ERFE: variants seen among roughly 807,000 people sequenced by gnomAD.
ERFE encodes the protein complement C1q tumor necrosis factor-related protein 15.
Under a neutral mutation model 26.6 loss-of-function variants are expected in ERFE, and 25 were observed. That is an observed-to-expected ratio of 0.94 (90% CI 0.69 to 1.31). The LOEUF (loss-of-function observed/expected upper bound fraction) is 1.31. ERFE is among the 40% of genes most tolerant of loss of function. ERFE has a pLI of 0.00. For synonymous variants in ERFE, 206 were observed against 204.5 expected (o/e 1.01, Z -0.06); for missense variants, 447 against 440.2 (o/e 1.02, Z -0.14).
chr2:238,164,593 G>A (rs978806715), intron 6 of ERFE: 5 of 533,052 alleles, frequency 9.4e-6, no homozygotes, highest in Non-Finnish European at 1.6e-5. Flanking sequence ...GGTGGCTCAC[G>A]CCTGTAATCG....
rs2106322011 is a variant in ERFE at position 238,167,810 on chromosome 2, A to G, written c.*756A>G. 1 of 261,458 alleles carries G rather than the reference A, an allele frequency of 3.8e-6. No individual in the cohort carries two copies. The highest frequency in any genetic ancestry group is 4.4e-5 in the South Asian group (1 of 22,604). The allele number at this position is 261,458 out of a possible 1,614,324, so 16.2% of individuals were successfully genotyped here. A position where few individuals can be genotyped will look rare whatever the true frequency, so the allele number is the denominator to read the frequency against. On this transcript the variant is annotated 3_prime_UTR_variant, in exon 8 of 8. Coordinates refer to ENST00000546354, the MANE Select transcript of ERFE (RefSeq NM_001291832.2). ...CTTCCCCTCCTCTGCAAATCTTCAC[A>G]GCCAAGGCCCCTTCCACCCTCTCCA... is the stretch of plus-strand genomic sequence containing the variant.
At position 238,163,756 on chromosome 2, in the gene ERFE, G is replaced by A. The variant is rs747298999; in HGVS notation, c.444G>A (p.Glu148=). 10 of 1,351,054 alleles carry A rather than the reference G, an allele frequency of 7.4e-6. No individual in the cohort carries two copies. The South Asian group carries it at 1.8e-4, about 25-fold the overall frequency. The allele number at this position is 1,351,054 out of a possible 1,614,324, so 83.7% of individuals were successfully genotyped here. A position where few individuals can be genotyped will look rare whatever the true frequency, so the allele number is the denominator to read the frequency against. ...TGCCAGGTGCGGTGCGGCAGCGGGA[G>A]CGCGCGGAGCCCGAACCCTGTACGT... ...LLLKGAVRQR[E]RAEPEPCTCG... is the part of the protein sequence containing the mutation. The change falls in exon 4 of 8, where the codon GAG becomes GAA. Residue 148 remains glutamate (E), a synonymous_variant. Coordinates refer to ENST00000546354, the MANE Select transcript of ERFE (RefSeq NM_001291832.2).
rs536468193 is a variant in ERFE, at chr2:238,164,341, T to C, written c.868T>C (p.Ser290Pro). Residue 290 changes from serine to proline, a missense_variant, in exon 6 of 8, where the codon TCC becomes CCC. Ser to Pro is a moderately conservative substitution (Grantham distance 74). Coordinates refer to ENST00000546354, the MANE Select transcript of ERFE (RefSeq NM_001291832.2). ...DHLRLLICIQSRCQRNASLEA... is the reference protein window; with the variant it reads ...DHLRLLICIQPRCQRNASLEA... ...CCTGCGCCTGCTCATCTGCATCCAG[T>C]CCCGGTGCCAGCGCAACGCGTGAGT... 10 of 1,541,152 alleles carry C rather than the reference T, an allele frequency of 6.5e-6. No individual in the cohort carries two copies. Among genetic ancestry groups the C allele is most frequent in the Non-Finnish European group, 8.7e-6 (10 of 1,145,354 alleles).
intron 6 of ERFE, among the ~76,000 whole-genome samples, chr2:238,164,954 C>T (rs1435588299): frequency 6.6e-6 from 1 of 152,204 alleles, no homozygotes; most frequent in Non-Finnish European, 1.5e-5. Context: ...CTCCTAGCCT[C>T]CCAACTCCTT....
chr2:238,164,996 A>G (rs1693012541), intron 6 of ERFE, among the ~76,000 whole-genome samples: 1 of 152,086 alleles, frequency 6.6e-6, no homozygotes, highest in Admixed American at 6.5e-5. Flanking sequence ...TTGGGGCTCG[A>G]AGCACCAGTG....
chr2:238,163,346 G>A (rs1328312471), intron 3 of ERFE, among the ~76,000 whole-genome samples: 1 of 152,180 alleles, frequency 6.6e-6, no homozygotes, highest in Non-Finnish European at 1.5e-5. Flanking sequence ...CATTAGAATT[G>A]AGCCGTTTTT....
chr2:238,167,767 C>G lies in ERFE; in HGVS notation c.*713C>G, dbSNP rs1193627893. ...CACAAATTCACCTCAGAAGGCCTTT[C>G]CAAATGGGAGCTCCACTCTTCCCCT... On this transcript the variant is annotated 3_prime_UTR_variant, in exon 8 of 8. Coordinates refer to ENST00000546354, the MANE Select transcript of ERFE (RefSeq NM_001291832.2). The G allele has an allele frequency of 3.6e-6, 1 of 275,654 alleles. No homozygotes were observed. Among genetic ancestry groups the G allele is most frequent in the African/African-American group, 2.2e-5 (1 of 45,370 alleles). 17.1% of individuals were successfully genotyped at this position (275,654 alleles called of 1,614,324 possible).
chr2:238,162,651 C>A, intron 2 of ERFE, 85 bp from the exon 3 acceptor site: 1 of 876,692 alleles, frequency 1.1e-6, no homozygotes, highest in Non-Finnish European at 1.9e-6. Flanking sequence ...TGTTGCCTGC[C>A]TCTTAGTGGC....
chr2:238,166,850 C>G, intron 7 of ERFE, 106 bp from the exon 8 acceptor site: 1 of 962,134 alleles, frequency 1.0e-6, no homozygotes, highest in East Asian at 2.6e-5. Flanking sequence ...GAGCCCTTCC[C>G]AAAAGCGGGG....
rs899641619 is a variant in ERFE, at chr2:238,163,576, CAA to C, written c.425-159_425-158del. On this transcript the variant is annotated intron_variant, in intron 3 of 7. Coordinates refer to ENST00000546354, the MANE Select transcript of ERFE (RefSeq NM_001291832.2). ...CGGGAGCCGCTGCAGGGTCAGGACG[CAA>C]AGACTCCGAGGCCCTTCAGGCCGAG... 8 of 896,380 alleles carry C rather than the reference CAA, an allele frequency of 8.9e-6. No homozygotes were observed. The African/African-American group carries it at 1.4e-4, about 16-fold the overall frequency. 55.5% of individuals were successfully genotyped at this position (896,380 alleles called of 1,614,324 possible).
At position 238,168,758 on chromosome 2, in the gene ERFE, G is replaced by T; in HGVS notation, c.*1704G>T. 4.8e-6 allele frequency: 1 copy of T among 208,548 alleles called. No individual in the cohort carries two copies. The highest frequency in any genetic ancestry group is 1.0e-5 in the Non-Finnish European group (1 of 100,376). 12.9% of individuals were successfully genotyped at this position (208,548 alleles called of 1,614,324 possible). On this transcript the variant is annotated 3_prime_UTR_variant, in exon 8 of 8. Coordinates refer to ENST00000546354, the MANE Select transcript of ERFE (RefSeq NM_001291832.2). ...TCTAGATTTCACTTTGTATCCACTG[G>T]GCACAGATATTCTAGAGAACTTATC... is the stretch of plus-strand genomic sequence containing the variant.
At position 238,168,822 on chromosome 2, in the gene ERFE, AT is replaced by A. The variant is rs10713163; in HGVS notation, c.*1773del. 142,009 of 172,118 alleles carry A rather than the reference AT, an allele frequency of 0.83. 58,837 individuals carry two copies. The highest frequency in any genetic ancestry group is 0.98 in the East Asian group (6,104 of 6,228). 10.7% of individuals were successfully genotyped at this position (172,118 alleles called of 1,614,324 possible). ...AAAGCCACATATCCACATCTCTTTC[AT>A]TTTTCTCAGTGTGTTATGCAGCAAT... On this transcript the variant is annotated 3_prime_UTR_variant, in exon 8 of 8. Coordinates refer to ENST00000546354, the MANE Select transcript of ERFE (RefSeq NM_001291832.2).
intron 1 of ERFE, among the ~76,000 whole-genome samples, chr2:238,160,373 C>T (rs1692919903): frequency 6.6e-6 from 1 of 152,224 alleles, no homozygotes. Context: ...GCCACAGGTG[C>T]AGCTGGGAGG....
Position 238,164,322 on chromosome 2 carries a change from C to T in ERFE, c.849C>T (p.Arg283=). 4 of 1,534,774 alleles carry T rather than the reference C, an allele frequency of 2.6e-6. No homozygotes were observed. Among genetic ancestry groups the T allele is most frequent in the Non-Finnish European group, 3.5e-6 (4 of 1,143,394 alleles). The stretch of plus-strand genomic sequence containing the variant: ...CGCCGCGCCCCCGGGACCACCTGCG[C>T]CTGCTCATCTGCATCCAGTCCCGGT... ...RGPPRPRDHL[R]LLICIQSRCQ... is the part of the protein sequence containing the mutation. Residue 283 remains arginine, a synonymous_variant, in exon 6 of 8, where the codon CGC becomes CGT. Transcript: ENST00000546354.
At chr2:238,159,894 C>T (rs1411840840) in intron 1 of ERFE, among the ~76,000 whole-genome samples, 3 of 152,160 alleles carry the variant, frequency 2.0e-5, no homozygotes, top group Non-Finnish European at 2.9e-5. Flanking sequence ...GGTGGGCGGC[C>T]GGTGCTGTTT....
chr2:238,164,182 G>A lies in ERFE; in HGVS notation c.795G>A (p.Val265=). The A allele has an allele frequency of 7.0e-7, 1 of 1,435,968 alleles. No homozygotes were observed. Among genetic ancestry groups the A allele is most frequent in the Non-Finnish European group, 9.1e-7 (1 of 1,102,376 alleles). 89.0% of individuals were successfully genotyped at this position (1,435,968 alleles called of 1,614,324 possible). Residue 265 remains valine (V), a splice_region_variant and synonymous_variant, in exon 5 of 8, where the codon GTG becomes GTA. Coordinates refer to ENST00000546354, the MANE Select transcript of ERFE (RefSeq NM_001291832.2). ...GFYALAATLH[V]ALGEPPRRGP... ...ACGCTCTCGCCGCCACGCTGCACGT[G>A]GGTGAGGCCCGGGGCGTGGGAGGAT...
intron 4 of ERFE, 21 bp from the exon 5 acceptor site, chr2:238,164,054 G>T: frequency 7.2e-7 from 1 of 1,396,286 alleles, no homozygotes; most frequent in South Asian, 1.6e-5. Context: ...GAGCCGGGGT[G>T]ACCATCCGTG....
rs545676953 is a variant in ERFE, at chr2:238,164,370, C to A, written c.887+10C>A. 1 of 1,543,122 alleles carries A rather than the reference C, an allele frequency of 6.5e-7. No homozygotes were observed. Among genetic ancestry groups the A allele is most frequent in the South Asian group, 1.2e-5 (1 of 84,006 alleles). On this transcript the variant is annotated intron_variant, in intron 6 of 7. Transcript: ENST00000546354. ...GGTGCCAGCGCAACGCGTGAGTGTA[C>A]CCCGGCCCGGACCCCACACCCGCAT...
intron 6 of ERFE, 60 bp from the exon 7 acceptor site, chr2:238,165,546 G>A (rs189930858): frequency 1.4e-5 from 19 of 1,387,680 alleles, no homozygotes; most frequent in East Asian, 5.1e-5. Flanking sequence ...ATTGTGTGTC[G>A]TAGGTGAAGT....
Sources: allele counts gnomAD v4.1 joint callset (sites outside exome capture counted in the v4.1 genomes callset), GRCh38; gene constraint gnomAD v4.1.1; transcripts MANE v1.5; gene names NCBI Gene and HGNC (gene_info 2026-07-23, HGNC 2026-07-21).